The following PDZD2 variants were observed in gnomAD, a reference collection of about 807,000 sequenced individuals.
The protein encoded by PDZD2 is PDZ domain-containing protein 2.
Under a neutral mutation model 220.7 loss-of-function variants are expected in PDZD2, and 90 were observed. The observed-to-expected ratio is 0.41, with a 90% confidence interval of 0.34 to 0.49. The LOEUF (loss-of-function observed/expected upper bound fraction) is 0.49, where lower values mean the gene tolerates loss of function less well. Ranked by LOEUF, PDZD2 falls within the 20% of genes least tolerant of loss-of-function variation. The pLI is 0.28. For synonymous variants in PDZD2, 1,375 were observed against 1,450.5 expected, an observed-to-expected ratio of 0.95 and a Z score of 1.18; for missense variants, 3,174 against 3,608.5, an observed-to-expected ratio of 0.88 and a Z score of 3.08.
intron 4 of PDZD2, among the ~76,000 whole-genome samples, chr5:31,996,155 C>T (rs1231300877): frequency 6.6e-6 from 1 of 152,146 alleles, no homozygotes; most frequent in Non-Finnish European, 1.5e-5. Context: ...CACTGGGGCT[C>T]CACTTGTCAG....
intron 5 of PDZD2, 37 bp from the exon 6 acceptor site, chr5:32,010,293 G>A (rs778351457): frequency 1.7e-5 from 26 of 1,543,774 alleles, no homozygotes; most frequent in Non-Finnish European, 2.0e-5. Flanking sequence ...GTTCTGGGGA[G>A]TAATTCATGG....
At chr5:32,012,539 G>A (rs1449271662) in intron 6 of PDZD2, among the ~76,000 whole-genome samples, 1 of 151,738 alleles carries the variant, frequency 6.6e-6, no homozygotes, top group Admixed American at 6.6e-5. Flanking sequence ...GCACGCCACC[G>A]CGCTTGGCTA....
At chr5:32,023,982 C>A (rs1754422471) in intron 6 of PDZD2, among the ~76,000 whole-genome samples, 1 of 152,164 alleles carries the variant, frequency 6.6e-6, no homozygotes. Flanking sequence ...TTTATCTACA[C>A]CATCTACACT....
At chr5:31,855,470 G>T (rs1315624786) in intron 2 of PDZD2, among the ~76,000 whole-genome samples, 2 of 152,252 alleles carry the variant, frequency 1.3e-5, no homozygotes, top group Admixed American at 6.5e-5. Flanking sequence ...CAGGGAAGGG[G>T]TGCCCAGAGG....
intron 1 of PDZD2, among the ~76,000 whole-genome samples, chr5:31,701,535 C>G (rs1011560137): frequency 6.6e-6 from 1 of 152,184 alleles, no homozygotes; most frequent in East Asian, 1.9e-4. Context: ...AGACGTCTAG[C>G]TATACACACA....
chr5:32,101,171 TGA>T lies in PDZD2; in HGVS notation c.8287_8288del (p.Leu2764GlyfsTer16). ...CTGAAGACCTCGGCTGGGCTGGGAC[TGA>T]GTCTGGATGGGGGAAAATCATCGGT... On this transcript the variant is annotated frameshift_variant, in exon 24 of 25. Coordinates refer to ENST00000438447, the MANE Select transcript of PDZD2 (RefSeq NM_178140.4). LOFTEE classifies it high-confidence loss of function. The T allele has an allele frequency of 6.2e-7, 1 of 1,614,058 alleles. No individual in the cohort carries two copies. Among genetic ancestry groups the T allele is most frequent in the East Asian group, 2.2e-5 (1 of 44,880 alleles).
chr5:31,884,369 C>T (rs145781888), intron 2 of PDZD2, among the ~76,000 whole-genome samples: 5 of 152,264 alleles, frequency 3.3e-5, no homozygotes, highest in African/African-American at 1.2e-4. Context: ...TCCTAGATTT[C>T]TTCATTTGTT....
intron 2 of PDZD2, among the ~76,000 whole-genome samples, chr5:31,815,832 A>T (rs987862068): frequency 9.9e-5 from 15 of 152,166 alleles, no homozygotes; most frequent in East Asian, 5.8e-4. Flanking sequence ...TTTTTTTTTT[A>T]AATTTAGGTA....
chr5:31,849,655 C>G (rs1279256326), intron 2 of PDZD2, among the ~76,000 whole-genome samples: 1 of 151,692 alleles, frequency 6.6e-6, no homozygotes, highest in Non-Finnish European at 1.5e-5. Flanking sequence ...ATCTGCCTGA[C>G]CAACATGGTG....
At chr5:32,001,859 A>G (rs1284325913) in intron 5 of PDZD2, among the ~76,000 whole-genome samples, 1 of 152,124 alleles carries the variant, frequency 6.6e-6, no homozygotes, top group Non-Finnish European at 1.5e-5. Flanking sequence ...TGTGCTGTTG[A>G]TGAGACTAGG....
At position 32,109,104 on chromosome 5, in the gene PDZD2, A is replaced by ATTTT. The variant is rs1423449945; in HGVS notation, c.*971_*974dup. The ATTTT allele has an allele frequency of 6.6e-6, 1 of 151,946 alleles. No homozygotes were observed. The highest frequency in any genetic ancestry group is 2.1e-4 in the South Asian group (1 of 4,814). The allele number at this position is 151,946 out of a possible 1,614,324, so 9.4% of individuals were successfully genotyped here. On this transcript the variant is annotated 3_prime_UTR_variant, in exon 25 of 25. Transcript: ENST00000438447. Reference sequence around the variant, plus strand: ...CACTCCAACCATGAATTTAAACTAAATTTTTAGAAATCAAGTATCTTTCTA... The same window carrying ATTTT: ...CACTCCAACCATGAATTTAAACTAAATTTTTTTTTAGAAATCAAGTATCTTTCTA...
At chr5:31,781,080 C>A (rs990388037) in intron 1 of PDZD2, among the ~76,000 whole-genome samples, 1 of 152,122 alleles carries the variant, frequency 6.6e-6, no homozygotes, top group Non-Finnish European at 1.5e-5. Flanking sequence ...AAGCTGAGGC[C>A]CCTGATGGGT....
rs982472458 is a variant in PDZD2, at chr5:31,845,880, G to C, written c.476+46156G>C. ...AATACATGCTAGCTACTTAGTACTT[G>C]GTTCTGTTGGACTTCAAATAGAGTT... On this transcript the variant is annotated intron_variant, in intron 2 of 24. Transcript: ENST00000438447. Among the ~76,000 whole-genome samples, 6 of 152,186 alleles carry C rather than the reference G, an allele frequency of 3.9e-5. No individual in the cohort carries two copies. In the East Asian group the frequency reaches 1.2e-3, roughly 29 times the overall value.
intron 1 of PDZD2, among the ~76,000 whole-genome samples, chr5:31,706,842 CAA>C (rs60622267): frequency 7.8e-6 from 1 of 128,982 alleles, no homozygotes; most frequent in African/African-American, 2.8e-5. Flanking sequence ...GATTCCATCT[CAA>C]AAAAAAAAAA....
At chr5:32,063,061 T>TA (rs56251820) in intron 14 of PDZD2, among the ~76,000 whole-genome samples, 8 of 150,196 alleles carry the variant, frequency 5.3e-5, no homozygotes, top group Non-Finnish European at 1.0e-4. Context: ...TTATTATTAT[T>TA]TGAGACGGAG....
At chr5:31,783,143 A>G (rs1184184767) in intron 1 of PDZD2, among the ~76,000 whole-genome samples, 1 of 152,198 alleles carries the variant, frequency 6.6e-6, no homozygotes, top group Non-Finnish European at 1.5e-5. Flanking sequence ...ATTGCACTCA[A>G]TAAATATTTG....
chr5:31,825,897 T>A (rs1467719947), intron 2 of PDZD2, among the ~76,000 whole-genome samples: 2 of 151,982 alleles, frequency 1.3e-5, no homozygotes, highest in African/African-American at 4.8e-5. Flanking sequence ...GGTTACTTGT[T>A]TCCACAGGCA....
intron 1 of PDZD2, chr5:31,748,033 C>T (rs967536483): frequency 1.3e-5 from 2 of 152,232 alleles, no homozygotes; most frequent in African/African-American, 4.8e-5. Context: ...CTATGTGGAA[C>T]TGAAGTCACA....
At chr5:31,856,834 T>C (rs1376223736) in intron 2 of PDZD2, among the ~76,000 whole-genome samples, 4 of 151,748 alleles carry the variant, frequency 2.6e-5, no homozygotes, top group Admixed American at 2.0e-4. Context: ...CTCCAGAGGG[T>C]GGGTGCTTCC....
Sources: gnomAD v4.1 joint callset for allele counts (sites outside exome capture counted in the v4.1 genomes callset) on GRCh38, gnomAD v4.1.1 for gene constraint, MANE v1.5 for transcripts, NCBI Gene and HGNC (gene_info 2026-07-23, HGNC 2026-07-21) for gene names.